The following CTSL variants were observed in gnomAD, a reference collection of about 807,000 sequenced individuals.
The protein encoded by CTSL is cathepsin L, also known as procathepsin L.
Under a neutral mutation model 34.7 loss-of-function variants are expected in CTSL, and 23 were observed. That is an observed-to-expected ratio of 0.66 (90% CI 0.48 to 0.94). The LOEUF is 0.94. CTSL is among the 40% of genes least tolerant of loss of function. CTSL has a pLI of 0.00. For missense variants in CTSL, 361 were observed against 406.3 expected, an observed-to-expected ratio of 0.89 and a Z score of 0.96; for synonymous variants, 129 against 136.7, an observed-to-expected ratio of 0.94 and a Z score of 0.39.
At chr9:87,728,905 G>A (rs777912365) in intron 5 of CTSL, 96 bp downstream of exon 5, 1 of 1,561,418 alleles carries the variant, frequency 6.4e-7, no homozygotes, top group Non-Finnish European at 8.7e-7. Context: ...ATATATTAGG[G>A]CTGGGTGGGG....
At chr9:87,729,077 T>A (rs1291785154) in intron 5 of CTSL, 2 of 847,524 alleles carry the variant, frequency 2.4e-6, no homozygotes, top group Admixed American at 6.0e-5. Context: ...TGGTCCCAGC[T>A]ATGCTGAGGT....
chr9:87,729,787 A>T, intron 6 of CTSL, 52 bp downstream of exon 6: 1 of 1,537,560 alleles, frequency 6.5e-7, no homozygotes, highest in Non-Finnish European at 8.8e-7. Flanking sequence ...GTATCATGAC[A>T]TACGAGCATG....
intron 5 of CTSL, 87 bp from the exon 6 acceptor site, chr9:87,729,486 C>T (rs1564090546): frequency 4.4e-6 from 5 of 1,149,172 alleles, no homozygotes; most frequent in Non-Finnish European, 6.3e-6. Flanking sequence ...CTAAGCTGCA[C>T]ACTGCTGAGT....
rs373216103 is a variant in CTSL at position 87,728,366 on chromosome 9, G to C, written c.366G>C (p.Glu122Asp). The C allele has an allele frequency of 3.7e-6, 6 of 1,614,070 alleles. No homozygotes were observed. In the African/African-American group the frequency reaches 8.0e-5, roughly 22 times the overall value. The change falls in exon 4 of 8, where the codon GAG becomes GAC. Residue 122 changes from glutamate to aspartate, a missense_variant. Glu to Asp is a conservative substitution (Grantham distance 45). Transcript: ENST00000343150. ...YEAPRSVDWR[E>D]KGYVTPVKNQ... ...CCCCCAGATCTGTGGATTGGAGAGA[G>C]AAAGGCTACGTGACTCCTGTGAAGA...
chr9:87,726,616 C>T (rs996384497), intron 1 of CTSL, among the ~76,000 whole-genome samples: 7 of 152,226 alleles, frequency 4.6e-5, no homozygotes, highest in African/African-American at 1.4e-4. Context: ...CGCGTGCGGC[C>T]ATATGACCCC....
chr9:87,730,962 T>C, intron 7 of CTSL, 46 bp from the exon 8 acceptor site: 1 of 1,529,788 alleles, frequency 6.5e-7, no homozygotes, highest in Non-Finnish European at 9.1e-7. Context: ...AATAACCCTT[T>C]GGGCTTTATT....
chr9:87,730,808 A>G (rs968629223), intron 7 of CTSL, among the ~76,000 whole-genome samples, 200 bp from the exon 8 acceptor site: 1 of 152,214 alleles, frequency 6.6e-6, no homozygotes, highest in Non-Finnish European at 1.5e-5. Context: ...GTTCTGTGAA[A>G]GGTCACAGTT....
intron 5 of CTSL, 121 bp downstream of exon 5, chr9:87,728,930 A>C (rs532882989): frequency 1.5e-5 from 23 of 1,516,338 alleles, no homozygotes; most frequent in Non-Finnish European, 1.9e-5. Flanking sequence ...TCACGCCTGT[A>C]ATCCCAGCCC....
intron 5 of CTSL, 150 bp downstream of exon 5, chr9:87,728,959 G>A: frequency 6.8e-7 from 1 of 1,469,452 alleles, no homozygotes. Flanking sequence ...GCTGAGCCAG[G>A]CAGATGGCTT....
chr9:87,728,590 G>C lies in CTSL; in HGVS notation c.402G>C (p.Gln134His). ...GYVTPVKNQG[Q>H]CGSCWAFSAT... ...TTTTTTAATTCCCTTTTCAGGGTCAGTGTGGTTCTTGTTGGGCTTTTAGTG... is the reference window on the plus strand; with the variant it reads ...TTTTTTAATTCCCTTTTCAGGGTCACTGTGGTTCTTGTTGGGCTTTTAGTG... Residue 134 changes from glutamine to histidine, a missense_variant, in exon 5 of 8, where the codon CAG becomes CAC. Physicochemically the swap from Gln to His is conservative, Grantham distance 24. Coordinates refer to ENST00000343150, the MANE Select transcript of CTSL (RefSeq NM_001912.5). The C allele has an allele frequency of 1.2e-6, 2 of 1,613,734 alleles. No homozygotes were observed. Among genetic ancestry groups the C allele is most frequent in the East Asian group, 2.2e-5 (1 of 44,872 alleles).
At chr9:87,727,752 G>T in intron 2 of CTSL, 23 bp downstream of exon 2, 2 of 1,613,946 alleles carry the variant, frequency 1.2e-6, no homozygotes, top group Non-Finnish European at 1.7e-6. Flanking sequence ...TCCCCAGAAA[G>T]AATAGTCCTG....
intron 1 of CTSL, 48 bp from the exon 2 acceptor site, chr9:87,727,546 C>CT (rs1826066566): frequency 1.4e-5 from 22 of 1,590,800 alleles, no homozygotes; most frequent in Middle Eastern, 4.3e-4. Flanking sequence ...AGTAAGATGG[C>CT]TTTTTAGGAT....
Position 87,731,194 on chromosome 9 carries a change from G to A in CTSL, c.*87G>A. On this transcript the variant is annotated 3_prime_UTR_variant, in exon 8 of 8. Coordinates refer to ENST00000343150, the MANE Select transcript of CTSL (RefSeq NM_001912.5). Reference sequence around the variant, plus strand: ...TCTTCAGTCTACCAGCCCCCGCTGTGTCGGATACACACTCGAATCATTGAA... The same window carrying A: ...TCTTCAGTCTACCAGCCCCCGCTGTATCGGATACACACTCGAATCATTGAA... The A allele has an allele frequency of 1.1e-6, 1 of 902,644 alleles. No individual in the cohort carries two copies. Among genetic ancestry groups the A allele is most frequent in the Non-Finnish European group, 1.8e-6 (1 of 570,026 alleles). 55.9% of individuals were successfully genotyped at this position (902,644 alleles called of 1,614,324 possible).
At position 87,728,756 on chromosome 9, in the gene CTSL, G is replaced by T. The variant is rs758963031; in HGVS notation, c.568G>T (p.Val190Phe). The part of the protein sequence containing the change: ...GGLMDYAFQY[V>F]QDNGGLDSEE... ...CCTAATGGATTATGCTTTCCAGTAT[G>T]TTCAGGATAATGGAGGCCTGGACTC... is the stretch of plus-strand genomic sequence containing the variant. The change falls in exon 5 of 8, where the codon GTT (valine) becomes TTT (phenylalanine). Residue 190 changes from valine (V) to phenylalanine (F), a missense_variant. Val to Phe is a conservative substitution (Grantham distance 50). Coordinates refer to ENST00000343150, the MANE Select transcript of CTSL (RefSeq NM_001912.5). The T allele has an allele frequency of 1.2e-6, 2 of 1,614,090 alleles. No individual in the cohort carries two copies.
In CTSL at chr9:87,728,023, C is replaced by T. The variant is rs1312358565; in HGVS notation, c.127-4C>T. On this transcript the variant is annotated splice_region_variant and splice_polypyrimidine_tract_variant and intron_variant, in intron 2 of 7. Transcript: ENST00000343150. The stretch of plus-strand genomic sequence containing the variant: ...AAGAGCATCAGTTACATGTTTGCCT[C>T]TAGAATGAAGAAGGATGGAGGAGAG... 5 of 1,613,224 alleles carry T rather than the reference C, an allele frequency of 3.1e-6. No homozygotes were observed. The Admixed American group carries it at 5.0e-5, about 16-fold the overall frequency.
At chr9:87,729,759 A>G in intron 6 of CTSL, 24 bp downstream of exon 6, 1 of 1,583,642 alleles carries the variant, frequency 6.3e-7, no homozygotes, top group Non-Finnish European at 8.6e-7. Flanking sequence ...TCTTTGTAGA[A>G]ATTGATGCAG....
At chr9:87,727,859 G>GAGCACGATA in intron 2 of CTSL, 130 bp downstream of exon 2, 1 of 1,403,154 alleles carries the variant, frequency 7.1e-7, no homozygotes. Context: ...TGAGCACAAT[G>GAGCACGATA]TGGACATTCA....
At position 87,728,156 on chromosome 9, in the gene CTSL, G is replaced by T. The variant is rs758533445; in HGVS notation, c.249+7G>T. Reference sequence around the variant, plus strand: ...GAACGCCTTTGGAGACATGGTAAGTGTGCTGTGGACTGCCGAGCTCTGTGC... The same window carrying T: ...GAACGCCTTTGGAGACATGGTAAGTTTGCTGTGGACTGCCGAGCTCTGTGC... On this transcript the variant is annotated splice_region_variant and intron_variant, in intron 3 of 7. Coordinates refer to ENST00000343150, the MANE Select transcript of CTSL (RefSeq NM_001912.5). The T allele has an allele frequency of 1.2e-6, 2 of 1,614,238 alleles. No individual in the cohort carries two copies. Among genetic ancestry groups the T allele is most frequent in the South Asian group, 2.2e-5 (2 of 91,086 alleles).
rs982050868 is a variant in CTSL at position 87,727,613 on chromosome 9, A to G, written c.10A>G (p.Thr4Ala). The change falls in exon 2 of 8, where the codon ACA becomes GCA. Residue 4 changes from threonine to alanine, a missense_variant. By Grantham distance (58) the Thr-to-Ala change is moderately conservative. Coordinates refer to ENST00000343150, the MANE Select transcript of CTSL (RefSeq NM_001912.5). ...TCCTAGGTTTTAAAACATGAATCCT[A>G]CACTCATCCTTGCTGCCTTTTGCCT... MNP[T>A]LILAAFCLGI... 6 of 1,613,960 alleles carry G rather than the reference A, an allele frequency of 3.7e-6. No individual in the cohort carries two copies. In the South Asian group the frequency reaches 4.4e-5, roughly 12 times the overall value.
Sources: gnomAD v4.1 joint callset for allele counts (sites outside exome capture counted in the v4.1 genomes callset) on GRCh38, gnomAD v4.1.1 for gene constraint, MANE v1.5 for transcripts, NCBI Gene and HGNC (gene_info 2026-07-23, HGNC 2026-07-21) for gene names.